The following RXRG variants were observed in gnomAD, a reference collection of about 807,000 sequenced individuals.
The protein encoded by RXRG is retinoic acid receptor RXR-gamma.
A neutral mutation model predicts 49.2 loss-of-function variants in RXRG; 19 were observed. That is an observed-to-expected ratio of 0.39 (90% CI 0.27 to 0.57). The LOEUF is 0.57. RXRG is among the 20% of genes least tolerant of loss of function. The probability of loss-of-function intolerance (pLI) is 0.64; values close to 1 mark genes in which losing one functional copy is unlikely to be tolerated. For missense variants in RXRG, 452 were observed against 592.5 expected, an observed-to-expected ratio of 0.76 and a Z score of 2.46; for synonymous variants, 224 against 216.6, an observed-to-expected ratio of 1.03 and a Z score of -0.30.
intron 4 of RXRG, among the ~76,000 whole-genome samples, chr1:165,413,929 T>A (rs1658039181): frequency 6.6e-6 from 1 of 152,246 alleles, no homozygotes; most frequent in Non-Finnish European, 1.5e-5. Context: ...AGGTAAATTC[T>A]GTACCTACCC....
At chr1:165,412,209 T>C (rs1470239539) in intron 4 of RXRG, among the ~76,000 whole-genome samples, 1 of 152,150 alleles carries the variant, frequency 6.6e-6, no homozygotes, top group Admixed American at 6.5e-5. Flanking sequence ...CATATCAGTC[T>C]CTCAAGGTAG....
intron 1 of RXRG, among the ~76,000 whole-genome samples, chr1:165,432,373 A>T (rs1658696943): frequency 6.6e-6 from 1 of 152,236 alleles, no homozygotes; most frequent in African/African-American, 2.4e-5. Context: ...TTAAAAGACA[A>T]ATACATCTTA....
chr1:165,420,160 G>A lies in RXRG; in HGVS notation c.298-146C>T, dbSNP rs112400415. ...ACAGAGTATTTGAAACTGCCTATCTGTGAGATGAACTTAAGGGAGGGATAA... is the reference window on the plus strand; with the variant it reads ...ACAGAGTATTTGAAACTGCCTATCTATGAGATGAACTTAAGGGAGGGATAA... On this transcript the variant is annotated intron_variant, in intron 2 of 9. Coordinates refer to ENST00000359842, the MANE Select transcript of RXRG (RefSeq NM_006917.5). The A allele has an allele frequency of 2.7e-5, 16 of 586,804 alleles. 1 individual carries two copies. Among genetic ancestry groups the A allele is most frequent in the African/African-American group, 2.3e-4 (12 of 52,254 alleles). The allele number at this position is 586,804 out of a possible 1,614,324, so 36.3% of individuals were successfully genotyped here.
rs572643600 is a variant in RXRG, at chr1:165,440,806, T to C, written c.49+4039A>G. ...CTAAGTTCTCTGCAGACCTAGAAGC[T>C]TCATAATGAGGGGAAGGAAGAGGTG... is the stretch of plus-strand genomic sequence containing the variant. On this transcript the variant is annotated intron_variant, in intron 1 of 9. Coordinates refer to ENST00000359842, the MANE Select transcript of RXRG (RefSeq NM_006917.5). Among the ~76,000 whole-genome samples the C allele has an allele frequency of 2.5e-4, 38 of 152,288 alleles. No homozygotes were observed. In the East Asian group the frequency reaches 4.4e-3, roughly 18 times the overall value.
chr1:165,418,110 CAAAAAAAAAAAAA>C (rs57782668), intron 3 of RXRG, among the ~76,000 whole-genome samples: 1 of 73,856 alleles, frequency 1.4e-5, no homozygotes, highest in Admixed American at 1.7e-4. Flanking sequence ...GATCCCGTCT[CAAAAAAAAAAAAA>C]AAAAAAAAAA....
intron 1 of RXRG, chr1:165,437,311 T>C: frequency 1.0e-6 from 1 of 1,002,154 alleles, no homozygotes; most frequent in Non-Finnish European, 1.4e-6. Flanking sequence ...TTCCCTGCCC[T>C]GGCAGAATGT....
chr1:165,409,147 A>G (rs74121152), intron 7 of RXRG, among the ~76,000 whole-genome samples: 1 of 152,260 alleles, frequency 6.6e-6, no homozygotes, highest in East Asian at 1.9e-4. Flanking sequence ...TCTTGAGGAC[A>G]GATCCTGATC....
At chr1:165,439,764 A>G (rs909087019) in intron 1 of RXRG, among the ~76,000 whole-genome samples, 6 of 152,254 alleles carry the variant, frequency 3.9e-5, no homozygotes, top group South Asian at 2.1e-4. Context: ...TGTTTTCTAC[A>G]TCGGTTAAAA....
At position 165,408,237 on chromosome 1, in the gene RXRG, G is replaced by C; in HGVS notation, c.1128C>G (p.Leu376=). The part of the protein sequence containing the change: ...SELGCLRAIV[L]FNPDAKGLSN... ...TTGAAGGGCGGTTACCTGGGTTAAA[G>C]AGTACAATGGCTCGCAGGCATCCCA... The change falls in exon 8 of 10, where the codon CTC becomes CTG. Residue 376 remains leucine (L), a synonymous_variant. Coordinates refer to ENST00000359842, the MANE Select transcript of RXRG (RefSeq NM_006917.5). 1 of 1,613,748 alleles carries C rather than the reference G, an allele frequency of 6.2e-7. No homozygotes were observed. The highest frequency in any genetic ancestry group is 2.2e-5 in the East Asian group (1 of 44,874).
At chr1:165,432,012 G>A (rs1658687616) in intron 1 of RXRG, among the ~76,000 whole-genome samples, 1 of 152,082 alleles carries the variant, frequency 6.6e-6, no homozygotes, top group Non-Finnish European at 1.5e-5. Flanking sequence ...AAAATATCAT[G>A]AAAATAGTAT....
At chr1:165,435,245 C>G (rs1658788805) in intron 1 of RXRG, among the ~76,000 whole-genome samples, 1 of 152,174 alleles carries the variant, frequency 6.6e-6, no homozygotes, top group Non-Finnish European at 1.5e-5. Flanking sequence ...GGATACTCAG[C>G]TTGGAGTGGC....
intron 3 of RXRG, among the ~76,000 whole-genome samples, chr1:165,419,306 C>T (rs1658232284): frequency 6.6e-6 from 1 of 151,940 alleles, no homozygotes; most frequent in African/African-American, 2.4e-5. Context: ...AATTTTTTTA[C>T]TTTTCTTTGC....
intron 1 of RXRG, among the ~76,000 whole-genome samples, chr1:165,429,640 G>A (rs1006291007): frequency 6.6e-6 from 1 of 152,134 alleles, no homozygotes; most frequent in African/African-American, 2.4e-5. Flanking sequence ...GGGTTAATTA[G>A]CACTCAGGGG....
chr1:165,429,456 T>C (rs548874423), intron 1 of RXRG, among the ~76,000 whole-genome samples: 6 of 152,176 alleles, frequency 3.9e-5, no homozygotes, highest in Non-Finnish European at 8.8e-5. Context: ...AAACATTTAT[T>C]AGGGTGCCAG....
intron 1 of RXRG, among the ~76,000 whole-genome samples, chr1:165,433,005 C>T (rs190998973): frequency 8.1e-4 from 124 of 152,256 alleles, no homozygotes; most frequent in African/African-American, 2.8e-3. Flanking sequence ...GGGCACCACC[C>T]TCATAAATGG....
Position 165,401,185 on chromosome 1 carries a change from G to A in RXRG, c.*78C>T, listed in dbSNP as rs1379815384. Reference sequence around the variant, plus strand: ...CAGGAAGGGGGTCAGGGTGGGAGGTGGAGGAAAGTGCAGGGTGGGGGTCCA... The same window carrying A: ...CAGGAAGGGGGTCAGGGTGGGAGGTAGAGGAAAGTGCAGGGTGGGGGTCCA... On this transcript the variant is annotated 3_prime_UTR_variant, in exon 10 of 10. Coordinates refer to ENST00000359842, the MANE Select transcript of RXRG (RefSeq NM_006917.5). 2.9e-6 allele frequency: 4 copies of A among 1,396,654 alleles called. No homozygotes were observed. The highest frequency in any genetic ancestry group is 2.5e-5 in the South Asian group (2 of 79,722). The allele number at this position is 1,396,654 out of a possible 1,614,324, so 86.5% of individuals were successfully genotyped here.
In RXRG at chr1:165,444,867, C is replaced by G; in HGVS notation, c.27G>C (p.Met9Ile). Residue 9 changes from methionine to isoleucine, a missense_variant, in exon 1 of 10, where the codon ATG (methionine) becomes ATC (isoleucine). Transcript: ENST00000359842. MYGNYSHF[M>I]KFPAGYGGSP... ...TACCTCCATAGCCTGCGGGAAACTT[C>G]ATGAAGTGAGAATAATTTCCATACA... 6.2e-7 allele frequency: 1 copy of G among 1,614,192 alleles called. No homozygotes were observed. Among genetic ancestry groups the G allele is most frequent in the Non-Finnish European group, 8.5e-7 (1 of 1,180,030 alleles).
At position 165,401,163 on chromosome 1, in the gene RXRG, G is replaced by T; in HGVS notation, c.*100C>A. 8.9e-7 allele frequency: 1 copy of T among 1,129,362 alleles called. No homozygotes were observed. The highest frequency in any genetic ancestry group is 1.3e-6 in the Non-Finnish European group (1 of 781,052). The allele number at this position is 1,129,362 out of a possible 1,614,324, so 70.0% of individuals were successfully genotyped here. A position where few individuals can be genotyped will look rare whatever the true frequency, so the allele number is the denominator to read the frequency against. On this transcript the variant is annotated 3_prime_UTR_variant, in exon 10 of 10. Coordinates refer to ENST00000359842, the MANE Select transcript of RXRG (RefSeq NM_006917.5). ...TATAAGCATCACATTTTGGGGACAG[G>T]AAGGGGGTCAGGGTGGGAGGTGGAG... is the stretch of plus-strand genomic sequence containing the variant.
At position 165,433,381 on chromosome 1, in the gene RXRG, C is replaced by G. The variant is rs761832107; in HGVS notation, c.50-4415G>C. Among the ~76,000 whole-genome samples the G allele has an allele frequency of 2.0e-5, 3 of 152,186 alleles. No homozygotes were observed. The East Asian group carries it at 5.8e-4, about 29-fold the overall frequency. ...CAGCCCAATTCACTCTGTGGCATGA[C>G]CCCTGGCCCCGCCATCTCATCAACC... is the stretch of plus-strand genomic sequence containing the variant. On this transcript the variant is annotated intron_variant, in intron 1 of 9. Transcript: ENST00000359842.
Sources: allele counts gnomAD v4.1 joint callset (sites outside exome capture counted in the v4.1 genomes callset), GRCh38; gene constraint gnomAD v4.1.1; transcripts MANE v1.5; gene names NCBI Gene and HGNC (gene_info 2026-07-23, HGNC 2026-07-21).